Variants in CRPPA observed in about 807,000 individuals in gnomAD.
CRPPA encodes the protein CDP-L-ribitol pyrophosphorylase A.
A neutral mutation model predicts 52.0 loss-of-function variants in CRPPA; 43 were observed. That is an observed-to-expected ratio of 0.83 (90% CI 0.65 to 1.07). The LOEUF is 1.07. CRPPA is among the 50% of genes least tolerant of loss of function. CRPPA has a pLI of 0.00. For synonymous variants in CRPPA, 250 were observed against 203.5 expected, an observed-to-expected ratio of 1.23 and a Z score of -1.94; for missense variants, 629 against 551.7, an observed-to-expected ratio of 1.14 and a Z score of -1.40.
At chr7:16,094,426 C>T (rs1781895403) in intron 9 of CRPPA, among the ~76,000 whole-genome samples, 1 of 152,028 alleles carries the variant, frequency 6.6e-6, no homozygotes, top group Admixed American at 6.6e-5. Flanking sequence ...ACAGTATTAA[C>T]ACAGGAAAAA....
At chr7:16,239,396 G>T (rs1449223048) in intron 8 of CRPPA, among the ~76,000 whole-genome samples, 1 of 151,282 alleles carries the variant, frequency 6.6e-6, no homozygotes, top group Non-Finnish European at 1.5e-5. Context: ...ATATTAAAAG[G>T]CATACTTAAA....
At chr7:16,175,730 A>T (rs1380324402) in intron 9 of CRPPA, among the ~76,000 whole-genome samples, 8 of 152,202 alleles carry the variant, frequency 5.3e-5, no homozygotes, top group Non-Finnish European at 8.8e-5. Context: ...TATGCAAATT[A>T]TGTATTAATT....
intron 9 of CRPPA, among the ~76,000 whole-genome samples, chr7:16,166,303 A>G (rs2128383717): frequency 6.6e-6 from 1 of 151,566 alleles, no homozygotes; most frequent in East Asian, 1.9e-4. Flanking sequence ...TTTTTGAGAT[A>G]GAGTCTTGCT....
intron 5 of CRPPA, among the ~76,000 whole-genome samples, chr7:16,285,088 A>C (rs961344042): frequency 1.3e-5 from 2 of 152,214 alleles, no homozygotes; most frequent in Admixed American, 1.3e-4. Flanking sequence ...AACAAAGTAC[A>C]TAACAACTAC....
chr7:16,357,348 T>TG (rs1786327378), intron 3 of CRPPA, among the ~76,000 whole-genome samples: 1 of 152,050 alleles, frequency 6.6e-6, no homozygotes, highest in Non-Finnish European at 1.5e-5. Context: ...CTGGCTAATT[T>TG]TTGTAGTTTT....
chr7:16,213,164 T>C (rs996751168), intron 9 of CRPPA, among the ~76,000 whole-genome samples: 1 of 152,200 alleles, frequency 6.6e-6, no homozygotes, highest in Non-Finnish European at 1.5e-5. Context: ...AAACATTCTG[T>C]CTCTGTAAGT....
intron 5 of CRPPA, 78 bp downstream of exon 5, chr7:16,301,343 T>C: frequency 8.3e-7 from 1 of 1,200,170 alleles, no homozygotes; most frequent in Non-Finnish European, 1.2e-6. Context: ...ATTGCTGGGA[T>C]TTAAACTGTC....
intron 4 of CRPPA, among the ~76,000 whole-genome samples, chr7:16,303,489 A>AC (rs1583504231): frequency 3.5e-5 from 5 of 143,394 alleles, no homozygotes; most frequent in Non-Finnish European, 6.0e-5. Context: ...AAAAAAAAAA[A>AC]AAAAAAAAAA....
intron 9 of CRPPA, among the ~76,000 whole-genome samples, chr7:16,176,352 G>A (rs1455996906): frequency 4.6e-5 from 7 of 152,062 alleles, no homozygotes; most frequent in Non-Finnish European, 1.0e-4. Flanking sequence ...CAATGCCTCT[G>A]AACTCTGACA....
chr7:16,145,301 C>T lies in CRPPA; in HGVS notation c.1252-53502G>A, dbSNP rs150161604. Reference sequence around the variant, plus strand: ...GAGGAACCTGGCACAACCATAGGACCCCACTCCATCTCACCCAAGTACAAT... The same window carrying T: ...GAGGAACCTGGCACAACCATAGGACTCCACTCCATCTCACCCAAGTACAAT... On this transcript the variant is annotated intron_variant, in intron 9 of 9. Transcript: ENST00000407010. Among the ~76,000 whole-genome samples the T allele has an allele frequency of 3.9e-5, 6 of 152,288 alleles. No individual in the cohort carries two copies. The East Asian group carries it at 1.2e-3, about 29-fold the overall frequency.
At chr7:16,138,421 G>C (rs891463688) in intron 9 of CRPPA, among the ~76,000 whole-genome samples, 2 of 152,104 alleles carry the variant, frequency 1.3e-5, no homozygotes, top group African/African-American at 2.4e-5. Context: ...TTCAAAAACT[G>C]TATACCAAGA....
At chr7:16,344,359 G>C (rs1329730601) in intron 3 of CRPPA, among the ~76,000 whole-genome samples, 1 of 139,546 alleles carries the variant, frequency 7.2e-6, no homozygotes, top group South Asian at 2.3e-4. Flanking sequence ...TTGAGGACAG[G>C]AGTTACAGAC....
At chr7:16,119,424 C>T (rs1324725792) in intron 9 of CRPPA, among the ~76,000 whole-genome samples, 1 of 150,812 alleles carries the variant, frequency 6.6e-6, no homozygotes, top group Non-Finnish European at 1.5e-5. Flanking sequence ...CCTTAAACAG[C>T]TAAGAAATAA....
intron 9 of CRPPA, among the ~76,000 whole-genome samples, chr7:16,195,115 A>C (rs1232792315): frequency 1.3e-5 from 2 of 152,088 alleles, no homozygotes; most frequent in Non-Finnish European, 2.9e-5. Context: ...ACCCAAATCA[A>C]AGTAAACCAC....
chr7:16,197,177 G>A (rs1478887516), intron 9 of CRPPA, among the ~76,000 whole-genome samples: 1 of 152,120 alleles, frequency 6.6e-6, no homozygotes, highest in Non-Finnish European at 1.5e-5. Context: ...CACACACCTG[G>A]GAATCAGGGT....
chr7:16,151,755 G>C (rs927359209), intron 9 of CRPPA, among the ~76,000 whole-genome samples: 3 of 151,898 alleles, frequency 2.0e-5, no homozygotes, highest in Admixed American at 2.0e-4. Context: ...ATATTAGTTA[G>C]ATTATTTTAT....
chr7:16,087,719 G>A lies in CRPPA; in HGVS notation c.*3976C>T, dbSNP rs1781726107. 1 of 152,080 alleles carries A rather than the reference G, an allele frequency of 6.6e-6. No individual in the cohort carries two copies. Among genetic ancestry groups the A allele is most frequent in the Admixed American group, 6.6e-5 (1 of 15,264 alleles). The allele number at this position is 152,080 out of a possible 1,614,324, so 9.4% of individuals were successfully genotyped here. On this transcript the variant is annotated 3_prime_UTR_variant, in exon 10 of 10. Transcript: ENST00000407010. Reference sequence around the variant, plus strand: ...CCTACACAGCTACTTCTAGTCCACTGATTTTAAGCCATACTAACAAATCCT... The same window carrying A: ...CCTACACAGCTACTTCTAGTCCACTAATTTTAAGCCATACTAACAAATCCT...
Position 16,387,529 on chromosome 7 carries a change from C to T in CRPPA, c.535-11288G>A, listed in dbSNP as rs138827869. 3.9e-5 allele frequency among the ~76,000 whole-genome samples: 6 copies of T among 152,024 alleles called. No individual in the cohort carries two copies. In the East Asian group the frequency reaches 9.7e-4, roughly 24 times the overall value. On this transcript the variant is annotated intron_variant, in intron 2 of 9. Transcript: ENST00000407010. ...AGACAAATCTAATTATATATTAAAA[C>T]GAATGGATCAAAAGGCAACAACTGT...
At chr7:16,155,948 G>C (rs1040439308) in intron 9 of CRPPA, among the ~76,000 whole-genome samples, 12 of 152,138 alleles carry the variant, frequency 7.9e-5, no homozygotes, top group African/African-American at 2.9e-4. Flanking sequence ...CCAGGATATG[G>C]CAGGGATATA....
Sources: gnomAD v4.1 joint callset for allele counts (sites outside exome capture counted in the v4.1 genomes callset) on GRCh38, gnomAD v4.1.1 for gene constraint, MANE v1.5 for transcripts, NCBI Gene and HGNC (gene_info 2026-07-23, HGNC 2026-07-21) for gene names.